The following SGSM1 variants were observed in gnomAD, a reference collection of about 807,000 sequenced individuals.
SGSM1 encodes the protein RUN and TBC1 domain containing 2.
A neutral mutation model predicts 133.8 loss-of-function variants in SGSM1; 73 were observed. That is an observed-to-expected ratio of 0.55 (90% CI 0.45 to 0.66). SGSM1 has a LOEUF of 0.66. SGSM1 is among the 30% of genes least tolerant of loss of function. The pLI, the probability that SGSM1 is intolerant of heterozygous loss-of-function variation, is 0.00. For missense variants in SGSM1, 1,213 were observed against 1,448.1 expected, an observed-to-expected ratio of 0.84 and a Z score of 2.64; for synonymous variants, 563 against 573.0, an observed-to-expected ratio of 0.98 and a Z score of 0.25.
At chr22:24,880,938 C>T (rs1368019491) in intron 14 of SGSM1, among the ~76,000 whole-genome samples, 1 of 152,214 alleles carries the variant, frequency 6.6e-6, no homozygotes, top group African/African-American at 2.4e-5. Flanking sequence ...CGCCTATAAT[C>T]CCAGCACTTT....
intron 3 of SGSM1, among the ~76,000 whole-genome samples, chr22:24,845,957 C>CTTTCT (rs1930100632): frequency 1.1e-5 from 1 of 91,132 alleles, no homozygotes; most frequent in Non-Finnish European, 2.4e-5. Context: ...TTCTTTCTTT[C>CTTTCT]TTTCTTTCTT....
In SGSM1 at chr22:24,833,686, A is replaced by G. The variant is rs1929258220; in HGVS notation, c.64-11211A>G. 2.0e-5 allele frequency among the ~76,000 whole-genome samples: 3 copies of G among 152,136 alleles called. No homozygotes were observed. In the South Asian group the frequency reaches 6.2e-4, roughly 32 times the overall value. ...AAAAAAAAAAGATTTCCACATATGA[A>G]ATGGAGGTGAAGGGAACACAGTTAA... On this transcript the variant is annotated intron_variant, in intron 2 of 24. Transcript: ENST00000400358.
At chr22:24,826,473 T>C (rs1227157372) in intron 2 of SGSM1, among the ~76,000 whole-genome samples, 2 of 152,188 alleles carry the variant, frequency 1.3e-5, no homozygotes, top group Non-Finnish European at 2.9e-5. Flanking sequence ...CCAAGCTCAG[T>C]AAGCATTAGC....
chr22:24,806,699 AGGCTTTTTGCGG>A (rs1368118501), intron 2 of SGSM1, among the ~76,000 whole-genome samples: 1 of 151,012 alleles, frequency 6.6e-6, no homozygotes, highest in Non-Finnish European at 1.5e-5. Context: ...GGCCCATTTG[AGGCTTTTTGCGG>A]GGGCGGATGT....
chr22:24,918,994 G>A (rs990755214), intron 23 of SGSM1, among the ~76,000 whole-genome samples: 1 of 146,980 alleles, frequency 6.8e-6, no homozygotes, highest in Non-Finnish European at 1.5e-5. Context: ...ACCCACCTCA[G>A]CCTCCCAAAG....
At chr22:24,883,074 T>A (rs933003465) in intron 14 of SGSM1, among the ~76,000 whole-genome samples, 1 of 150,268 alleles carries the variant, frequency 6.7e-6, no homozygotes, top group Non-Finnish European at 1.5e-5. Flanking sequence ...TTTTTGTATT[T>A]TTTTTTTTTT....
intron 12 of SGSM1, chr22:24,874,354 TCA>T: frequency 6.6e-6 from 10 of 1,519,414 alleles, no homozygotes; most frequent in Non-Finnish European, 8.0e-6. Flanking sequence ...TCCAGCTGTC[TCA>T]GTGTCCTGCC....
Position 24,844,946 on chromosome 22 carries a change from A to G in SGSM1, c.113A>G (p.Asp38Gly). The G allele has an allele frequency of 6.2e-7, 1 of 1,613,756 alleles. No homozygotes were observed. Among genetic ancestry groups the G allele is most frequent in the Non-Finnish European group, 8.5e-7 (1 of 1,179,860 alleles). Residue 38 changes from aspartate (D) to glycine (G), a missense_variant, in exon 3 of 25, where the codon GAC becomes GGC. By Grantham distance (94) the Asp-to-Gly change is moderately conservative. Transcript: ENST00000400358. ...GTGACACGCAAGTTTGTCCACGAAG[A>G]CAGCAGCCACATCATCTCCTTCTGT... ...EAVTRKFVHEDSSHIISFCAA... is the reference protein window; with the variant it reads ...EAVTRKFVHEGSSHIISFCAA...
intron 21 of SGSM1, among the ~76,000 whole-genome samples, chr22:24,907,579 C>G (rs1451565531): frequency 1.3e-5 from 2 of 151,628 alleles, no homozygotes; most frequent in African/African-American, 2.4e-5. Flanking sequence ...CAAGCTGACC[C>G]TAAAGTTGAT....
At chr22:24,816,534 G>A (rs960682257) in intron 2 of SGSM1, among the ~76,000 whole-genome samples, 3 of 148,948 alleles carry the variant, frequency 2.0e-5, no homozygotes, top group African/African-American at 7.4e-5. Context: ...TTCTGCCTCA[G>A]CCTCCTGAGT....
At chr22:24,806,625 C>T (rs1449114725) in intron 2 of SGSM1, 141 bp downstream of exon 2, 29 of 1,029,738 alleles carry the variant, frequency 2.8e-5, no homozygotes, top group Non-Finnish European at 3.6e-5. Flanking sequence ...TGGGCATTGA[C>T]CTCCCGCAGG....
At chr22:24,891,016 A>C (rs139729) in intron 16 of SGSM1, among the ~76,000 whole-genome samples, 22,539 of 152,226 alleles carry the variant, frequency 0.15, 1,978 homozygotes, top group East Asian at 0.46. Context: ...GAAGGAAACT[A>C]TAAAAATAGA....
chr22:24,924,591 C>T lies in SGSM1; in HGVS notation c.*317C>T. On this transcript the variant is annotated 3_prime_UTR_variant, in exon 25 of 25. Coordinates refer to ENST00000400358, the MANE Select transcript of SGSM1 (RefSeq NM_001098497.3). ...TTGCTGGTGCCCGGAATGGTCTCCT[C>T]TTCTTCTTTCCCTATCCCTCCAAAC... The T allele has an allele frequency of 2.6e-6, 1 of 389,192 alleles. No individual in the cohort carries two copies. The allele number at this position is 389,192 out of a possible 1,614,324, so 24.1% of individuals were successfully genotyped here.
chr22:24,868,840 A>G lies in SGSM1; in HGVS notation c.1276A>G (p.Met426Val), dbSNP rs760292865. 1.9e-6 allele frequency: 3 copies of G among 1,613,880 alleles called. No homozygotes were observed. Among genetic ancestry groups the G allele is most frequent in the South Asian group, 1.1e-5 (1 of 91,066 alleles). ...DYVFRIIYPG[M>V]QSEFVPQDLM... ...TGTGTTCAGGATCATCTACCCTGGC[A>G]TGCAGTCGGAATTCGGTGAGCTGCC... The change falls in exon 12 of 25, where the codon ATG (methionine) becomes GTG (valine). Residue 426 changes from methionine (M) to valine (V), a missense_variant. Transcript: ENST00000400358.
intron 12 of SGSM1, among the ~76,000 whole-genome samples, chr22:24,872,189 G>A (rs1212861169): frequency 6.6e-6 from 1 of 151,568 alleles, no homozygotes; most frequent in Non-Finnish European, 1.5e-5. Flanking sequence ...TTCACCCTGT[G>A]GGAGGGGAGA....
chr22:24,836,353 T>C (rs1246635207), intron 2 of SGSM1, among the ~76,000 whole-genome samples: 1 of 152,232 alleles, frequency 6.6e-6, no homozygotes, highest in African/African-American at 2.4e-5. Context: ...CATTCAGCCA[T>C]CGAAGGACAC....
chr22:24,877,998 A>G (rs537284880), intron 13 of SGSM1, among the ~76,000 whole-genome samples: 1 of 151,542 alleles, frequency 6.6e-6, no homozygotes, highest in African/African-American at 2.4e-5. Context: ...TTTAGTAGAG[A>G]TGGGGTTTCA....
rs767402778 is a variant in SGSM1, at chr22:24,898,122, T to C, written c.2173T>C (p.Ser725Pro). The stretch of plus-strand genomic sequence containing the variant: ...CTCCCATAACTTCTCCTCGGGCCTC[T>C]CAGAGCACTCAGAGCCCAGTCTGAG... The part of the protein sequence containing the change: ...PSSHNFSSGL[S>P]EHSEPSLSTE... The change falls in exon 19 of 25, where the codon TCA becomes CCA. Residue 725 changes from serine (S) to proline (P), a missense_variant. Transcript: ENST00000400358. 1 of 1,613,956 alleles carries C rather than the reference T, an allele frequency of 6.2e-7. No individual in the cohort carries two copies. The highest frequency in any genetic ancestry group is 1.1e-5 in the South Asian group (1 of 91,074).
intron 2 of SGSM1, among the ~76,000 whole-genome samples, chr22:24,817,760 C>T (rs537125673): frequency 2.6e-5 from 4 of 152,284 alleles, no homozygotes; most frequent in East Asian, 3.9e-4. Flanking sequence ...AACAAAGTAC[C>T]GTGACTGGGT....
Sources: gnomAD v4.1 joint callset for allele counts (sites outside exome capture counted in the v4.1 genomes callset) on GRCh38, gnomAD v4.1.1 for gene constraint, MANE v1.5 for transcripts, NCBI Gene and HGNC (gene_info 2026-07-23, HGNC 2026-07-21) for gene names.